METTL15: variants seen among roughly 807,000 people sequenced by gnomAD.
The protein encoded by METTL15 is methyltransferase 15, mitochondrial 12S rRNA N4-cytidine, also known as 12S rRNA N(4)-cytidine methyltransferase METTL15.
A neutral mutation model predicts 38.3 loss-of-function variants in METTL15; 34 were observed. That is an observed-to-expected ratio of 0.89 (90% CI 0.68 to 1.18). The LOEUF is 1.18. METTL15 is among the 50% of genes most tolerant of loss of function. The pLI, the probability that METTL15 is intolerant of heterozygous loss-of-function variation, is 0.00. For missense variants in METTL15, 438 were observed against 498.4 expected (o/e 0.88, Z 1.15); for synonymous variants, 162 against 170.9 (o/e 0.95, Z 0.41).
At chr11:28,391,609 A>C (rs570836089) in intron 5 of METTL15, among the ~76,000 whole-genome samples, 8 of 152,316 alleles carry the variant, frequency 5.3e-5, no homozygotes, top group African/African-American at 7.2e-5. Context: ...ACTGGTACCA[A>C]AACAGAGATA....
intron 6 of METTL15, among the ~76,000 whole-genome samples, chr11:28,524,500 C>T (rs1377618953): frequency 3.3e-5 from 5 of 152,168 alleles, no homozygotes; most frequent in African/African-American, 7.2e-5. Flanking sequence ...AAAAGCCTAC[C>T]AAGGAGCCCA....
At chr11:28,480,847 C>G (rs1851388970) in intron 6 of METTL15, among the ~76,000 whole-genome samples, 1 of 152,116 alleles carries the variant, frequency 6.6e-6, no homozygotes, top group Non-Finnish European at 1.5e-5. Flanking sequence ...GGAAAAGACA[C>G]TGGATTCAAT....
chr11:28,232,974 C>T (rs180748193), intron 4 of METTL15, among the ~76,000 whole-genome samples: 107 of 152,052 alleles, frequency 7.0e-4, no homozygotes, highest in Admixed American at 1.0e-3. Flanking sequence ...AAGGACTAGT[C>T]TAAGCTTGGA....
chr11:28,178,218 A>G (rs1197334636), intron 3 of METTL15, among the ~76,000 whole-genome samples: 2 of 151,914 alleles, frequency 1.3e-5, no homozygotes, highest in Non-Finnish European at 2.9e-5. Context: ...TTCACTCCTC[A>G]TAAACCAGCA....
At chr11:28,165,336 A>C (rs1411023522) in intron 3 of METTL15, among the ~76,000 whole-genome samples, 1 of 152,066 alleles carries the variant, frequency 6.6e-6, no homozygotes, top group Non-Finnish European at 1.5e-5. Flanking sequence ...CATCCTCGAA[A>C]ACACTTGTGT....
chr11:28,389,539 T>C (rs543274534), intron 5 of METTL15, among the ~76,000 whole-genome samples: 1 of 152,168 alleles, frequency 6.6e-6, no homozygotes, highest in South Asian at 2.1e-4. Flanking sequence ...ATTTCATCCA[T>C]GTCCCTACAA....
chr11:28,452,803 G>A (rs530524735), intron 6 of METTL15, among the ~76,000 whole-genome samples: 13 of 152,236 alleles, frequency 8.5e-5, no homozygotes, highest in Admixed American at 4.6e-4. Context: ...CCACTGGAGC[G>A]TTTGGGAAAG....
At chr11:28,193,182 A>AT (rs1218562123) in intron 3 of METTL15, among the ~76,000 whole-genome samples, 1 of 152,106 alleles carries the variant, frequency 6.6e-6, no homozygotes, top group Admixed American at 6.6e-5. Flanking sequence ...TTTAAAGGAT[A>AT]TATTTATATA....
intron 3 of METTL15, among the ~76,000 whole-genome samples, chr11:28,180,943 G>T (rs779666036): frequency 6.6e-6 from 1 of 151,704 alleles, no homozygotes; most frequent in Non-Finnish European, 1.5e-5. Context: ...GTACATGCAC[G>T]TTAAATCTTT....
At chr11:28,348,785 T>C (rs1346569324) in intron 3 of METTL15, among the ~76,000 whole-genome samples, 2 of 152,174 alleles carry the variant, frequency 1.3e-5, no homozygotes, top group Non-Finnish European at 2.9e-5. Context: ...TTTGCTCTTT[T>C]AGCATTATTT....
chr11:28,165,713 TAA>T (rs35905444), intron 3 of METTL15, among the ~76,000 whole-genome samples: 3 of 151,080 alleles, frequency 2.0e-5, no homozygotes, highest in Admixed American at 2.0e-4. Flanking sequence ...CAGGGTTGTA[TAA>T]AAAAAAAATT....
Position 28,514,314 on chromosome 11 carries a change from C to A in METTL15, c.*425-12164C>A, listed in dbSNP as rs887079087. 2.0e-5 allele frequency among the ~76,000 whole-genome samples: 3 copies of A among 152,282 alleles called. No individual in the cohort carries two copies. The South Asian group carries it at 6.2e-4, about 32-fold the overall frequency. On this transcript the variant is annotated intron_variant and NMD_transcript_variant, in intron 6 of 7. Transcript: ENST00000532947. ...ATCTATGATTGGAGAAAGGATAGGA[C>A]CCCTCTCTTAGCTTGAATGATATGA...
intron 5 of METTL15, among the ~76,000 whole-genome samples, chr11:28,414,991 TC>T: frequency 6.6e-6 from 1 of 152,152 alleles, no homozygotes; most frequent in Non-Finnish European, 1.5e-5. Flanking sequence ...ATTCAGAAAA[TC>T]AAGAAAACCC....
intron 4 of METTL15, among the ~76,000 whole-genome samples, chr11:28,276,490 A>T (rs916763727): frequency 6.6e-6 from 1 of 152,196 alleles, no homozygotes; most frequent in African/African-American, 2.4e-5. Context: ...TGAAGAACTA[A>T]TATCATTACA....
intron 4 of METTL15, among the ~76,000 whole-genome samples, chr11:28,219,045 CT>C (rs1424816584): frequency 1.3e-5 from 2 of 152,106 alleles, no homozygotes; most frequent in Non-Finnish European, 2.9e-5. Flanking sequence ...CTCTGCCCGG[CT>C]TTGGTATCAG....
chr11:28,299,258 G>A (rs1856837129), intron 6 of METTL15, among the ~76,000 whole-genome samples: 1 of 151,094 alleles, frequency 6.6e-6, no homozygotes, highest in Non-Finnish European at 1.5e-5. Flanking sequence ...GTAAAATGAA[G>A]TAAGCCTTTA....
At chr11:28,294,637 G>C (rs1417300348) in intron 5 of METTL15, among the ~76,000 whole-genome samples, 1 of 152,090 alleles carries the variant, frequency 6.6e-6, no homozygotes, top group Non-Finnish European at 1.5e-5. Flanking sequence ...TTTAGTCACT[G>C]TAAGTCAGTG....
At chr11:28,394,860 A>T (rs114191876) in intron 5 of METTL15, among the ~76,000 whole-genome samples, 2 of 152,178 alleles carry the variant, frequency 1.3e-5, no homozygotes, top group Admixed American at 6.6e-5. Flanking sequence ...CTTTATTTAT[A>T]CACCATGATG....
chr11:28,299,143 T>C (rs180758625), intron 6 of METTL15, among the ~76,000 whole-genome samples: 1 of 152,252 alleles, frequency 6.6e-6, no homozygotes, highest in Non-Finnish European at 1.5e-5. Context: ...CCTATAAAAA[T>C]ATACATATAT....
Sources: gnomAD v4.1 joint callset for allele counts (sites outside exome capture counted in the v4.1 genomes callset) on GRCh38, gnomAD v4.1.1 for gene constraint, MANE v1.5 for transcripts, NCBI Gene and HGNC (gene_info 2026-07-23, HGNC 2026-07-21) for gene names.